Variants in RORA observed in about 807,000 individuals in gnomAD.
The protein encoded by RORA is RAR related orphan receptor A.
RORA carries 7 observed loss-of-function variants against 69.5 expected under a neutral mutation model. The observed-to-expected ratio is 0.10, with a 90% CI of 0.06 to 0.19. The LOEUF is 0.19. RORA is among the 10% of genes least tolerant of loss of function. The pLI, the probability that RORA is intolerant of heterozygous loss-of-function variation, is 1.00. For missense variants in RORA, 457 were observed against 663.0 expected, an observed-to-expected ratio of 0.69 and a Z score of 3.41; for synonymous variants, 261 against 240.8, an observed-to-expected ratio of 1.08 and a Z score of -0.78.
chr15:60,818,643 A>G (rs558001110), intron 1 of RORA, among the ~76,000 whole-genome samples: 1 of 152,322 alleles, frequency 6.6e-6, no homozygotes, highest in South Asian at 2.1e-4. Flanking sequence ...AATAACTAAG[A>G]AGAAAAAGAA....
chr15:60,525,812 G>GTGT (rs1272809587), intron 3 of RORA, among the ~76,000 whole-genome samples: 1 of 152,176 alleles, frequency 6.6e-6, no homozygotes, highest in African/African-American at 2.4e-5. Context: ...AGCATGTACT[G>GTGT]TGTTGCAATT....
intron 1 of RORA, among the ~76,000 whole-genome samples, chr15:61,037,775 G>A: frequency 6.6e-6 from 1 of 152,168 alleles, no homozygotes; most frequent in East Asian, 1.9e-4. Flanking sequence ...TGTAAGGCAA[G>A]GTGGCCTGAG....
rs1219583341 is a variant in RORA at position 61,188,559 on chromosome 15, A to T, written c.166+40494T>A. ...GGCTAACCCGGATCTCTTGGCTGGA[A>T]CCATATGGGCCACCTGTTTTAAGAG... On this transcript the variant is annotated intron_variant, in intron 1 of 10. Transcript: ENST00000335670. Among the ~76,000 whole-genome samples the T allele has an allele frequency of 2.0e-5, 3 of 152,218 alleles. No homozygotes were observed. The East Asian group carries it at 5.8e-4, about 29-fold the overall frequency.
chr15:60,669,611 C>G (rs1490849608), intron 2 of RORA, among the ~76,000 whole-genome samples: 1 of 152,090 alleles, frequency 6.6e-6, no homozygotes, highest in African/African-American at 2.4e-5. Flanking sequence ...TTACTGGTCT[C>G]CCTTTTCCTT....
chr15:60,738,144 C>A (rs1409572362), intron 1 of RORA, among the ~76,000 whole-genome samples: 1 of 152,186 alleles, frequency 6.6e-6, no homozygotes, highest in Non-Finnish European at 1.5e-5. Flanking sequence ...AAGGGATAAG[C>A]CGAGACCGTA....
At chr15:60,617,272 C>G (rs1354593317) in intron 2 of RORA, among the ~76,000 whole-genome samples, 1 of 152,146 alleles carries the variant, frequency 6.6e-6, no homozygotes, top group South Asian at 2.1e-4. Flanking sequence ...ATCACTCATA[C>G]AAGGGAGAGC....
At chr15:61,146,474 ACAC>A (rs1567010641) in intron 1 of RORA, among the ~76,000 whole-genome samples, 10 of 151,910 alleles carry the variant, frequency 6.6e-5, no homozygotes, top group Non-Finnish European at 1.3e-4. Context: ...ACACACACAC[ACAC>A]ACACACGCAC....
intron 1 of RORA, among the ~76,000 whole-genome samples, chr15:60,840,737 G>C (rs2073185618): frequency 6.6e-6 from 1 of 152,214 alleles, no homozygotes; most frequent in African/African-American, 2.4e-5. Context: ...CCCAGGAATG[G>C]GGGGCTTAGC....
chr15:60,779,617 A>G (rs959199421), intron 1 of RORA, among the ~76,000 whole-genome samples: 1 of 152,228 alleles, frequency 6.6e-6, no homozygotes, highest in Non-Finnish European at 1.5e-5. Flanking sequence ...GCCTTTCACT[A>G]TATGAACCTG....
rs1382093344 is a variant in RORA at position 61,091,426 on chromosome 15, C to G, written c.166+137627G>C. Among the ~76,000 whole-genome samples, 3 of 152,164 alleles carry G rather than the reference C, an allele frequency of 2.0e-5. No homozygotes were observed. In the East Asian group the frequency reaches 5.8e-4, roughly 29 times the overall value. On this transcript the variant is annotated intron_variant, in intron 1 of 10. Transcript: ENST00000335670. ...TCCGTAAGCGCTGCTGTACTCCCTC[C>G]GCCACTGCCTGGGCCTGATGGAAGC...
At chr15:61,108,322 T>G (rs368002613) in intron 1 of RORA, among the ~76,000 whole-genome samples, 1 of 152,222 alleles carries the variant, frequency 6.6e-6, no homozygotes, top group African/African-American at 2.4e-5. Flanking sequence ...AATGATTTTT[T>G]TTAATATTAG....
chr15:60,516,108 T>TATTTA (rs1365840664), intron 3 of RORA, among the ~76,000 whole-genome samples: 2 of 68,362 alleles, frequency 2.9e-5, no homozygotes, highest in Admixed American at 2.7e-4. Context: ...TATTTATATA[T>TATTTA]TATATTATAT....
intron 1 of RORA, among the ~76,000 whole-genome samples, chr15:60,937,906 T>C (rs4775322): frequency 6.6e-6 from 1 of 152,060 alleles, no homozygotes; most frequent in Non-Finnish European, 1.5e-5. Context: ...GAGCACAATA[T>C]CAGTGATAAT....
chr15:60,627,107 G>T, intron 2 of RORA: 1 of 805,826 alleles, frequency 1.2e-6, no homozygotes, highest in Non-Finnish European at 2.0e-6. Flanking sequence ...GTCCTCATGG[G>T]CTTCATCTTT....
At chr15:60,822,679 G>T (rs1489628538) in intron 1 of RORA, among the ~76,000 whole-genome samples, 3 of 152,194 alleles carry the variant, frequency 2.0e-5, no homozygotes, top group Admixed American at 2.0e-4. Context: ...CCAGTGCTCA[G>T]CAATCAGCAC....
At chr15:61,159,635 C>CAAAAT (rs1467828486) in intron 1 of RORA, among the ~76,000 whole-genome samples, 1 of 152,174 alleles carries the variant, frequency 6.6e-6, no homozygotes, top group Non-Finnish European at 1.5e-5. Context: ...CAAAATACCA[C>CAAAAT]ACTGTATTGC....
intron 7 of RORA, 48 bp downstream of exon 7, chr15:60,503,487 G>A: frequency 6.3e-7 from 1 of 1,597,092 alleles, no homozygotes. Flanking sequence ...ATAAGCGGGT[G>A]AAAGCAGGTT....
In RORA at chr15:61,229,252, C is replaced by CGA. The variant is rs766587820; in HGVS notation, c.-36_-35dup. On this transcript the variant is annotated 5_prime_UTR_variant, in exon 1 of 11. Transcript: ENST00000335670. ...CCAATGTAGAGATCGCTGGAGATGG[C>CGA]GAGCTCCGAGACTCCCTCTATCTTC... is the stretch of plus-strand genomic sequence containing the variant. 1 of 1,199,098 alleles carries CGA rather than the reference C, an allele frequency of 8.3e-7. No homozygotes were observed. The highest frequency in any genetic ancestry group is 1.0e-6 in the Non-Finnish European group (1 of 952,466). The allele number at this position is 1,199,098 out of a possible 1,614,324, so 74.3% of individuals were successfully genotyped here. A position where few individuals can be genotyped will look rare whatever the true frequency, so the allele number is the denominator to read the frequency against.
At chr15:60,934,117 G>C (rs28637156) in intron 1 of RORA, among the ~76,000 whole-genome samples, 2,674 of 152,310 alleles carry the variant, frequency 0.018, 73 homozygotes, top group African/African-American at 0.06. Flanking sequence ...TTTGAGGTTT[G>C]GTTTTGCTGT....
Sources: gnomAD v4.1 joint callset for allele counts (sites outside exome capture counted in the v4.1 genomes callset) on GRCh38, gnomAD v4.1.1 for gene constraint, MANE v1.5 for transcripts, NCBI Gene and HGNC (gene_info 2026-07-23, HGNC 2026-07-21) for gene names.